The following ELAPOR2 variants were observed in gnomAD, a reference collection of about 807,000 sequenced individuals.
The protein encoded by ELAPOR2 is endosome/lysosome-associated apoptosis and autophagy regulator family member 2.
Under a neutral mutation model 120.7 loss-of-function variants are expected in ELAPOR2, and 89 were observed. That is an observed-to-expected ratio of 0.74 (90% confidence interval 0.62 to 0.88). The LOEUF (loss-of-function observed/expected upper bound fraction) is 0.88. ELAPOR2 is among the 40% of genes least tolerant of loss of function. ELAPOR2 has a pLI of 0.00. For missense variants in ELAPOR2, 1,134 were observed against 1,251.6 expected (o/e 0.91, Z 1.42); for synonymous variants, 444 against 444.9 (o/e 1.00, Z 0.03).
At chr7:86,882,173 T>C (rs930564183) in intron 21 of ELAPOR2, among the ~76,000 whole-genome samples, 1 of 152,210 alleles carries the variant, frequency 6.6e-6, no homozygotes, top group Non-Finnish European at 1.5e-5. Context: ...AACAATTTTT[T>C]AGAATAACCA....
At chr7:86,957,129 C>G (rs1171175277) in intron 2 of ELAPOR2, among the ~76,000 whole-genome samples, 1 of 152,174 alleles carries the variant, frequency 6.6e-6, no homozygotes, top group African/African-American at 2.4e-5. Context: ...CTGTTTTCAT[C>G]TCATCTCCCA....
chr7:86,885,012 C>T (rs1458185649), intron 21 of ELAPOR2, among the ~76,000 whole-genome samples: 1 of 152,164 alleles, frequency 6.6e-6, no homozygotes, highest in East Asian at 1.9e-4. Context: ...TATTTGGACT[C>T]TTATTGTCGC....
chr7:87,020,612 A>C (rs1057101806), intron 1 of ELAPOR2, among the ~76,000 whole-genome samples: 7 of 152,074 alleles, frequency 4.6e-5, no homozygotes, highest in African/African-American at 1.7e-4. Flanking sequence ...AGCTGCAGGG[A>C]GGAGAGAATG....
In ELAPOR2 at chr7:86,882,138, C is replaced by T. The variant is rs181470263; in HGVS notation, c.3031-1608G>A. 8.6e-4 allele frequency among the ~76,000 whole-genome samples: 131 copies of T among 152,286 alleles called. 3 individuals are homozygous for T. Among genetic ancestry groups the T allele is most frequent in the Non-Finnish European group, 2.6e-4 (18 of 68,024 alleles). On this transcript the variant is annotated intron_variant, in intron 21 of 21. Transcript: ENST00000450689. ...GCTGACTGGCTCTGTGAGAACTGGC[C>T]TGAGGTCTCATGTTTAACAGCCTTA...
chr7:87,031,553 A>C (rs1562976284), intron 1 of ELAPOR2, among the ~76,000 whole-genome samples: 1 of 152,324 alleles, frequency 6.6e-6, no homozygotes, highest in East Asian at 1.9e-4. Context: ...TAGCTCCAAA[A>C]ATCAAGATTT....
chr7:86,892,022 T>C, intron 20 of ELAPOR2, 133 bp from the exon 21 acceptor site: 1 of 577,952 alleles, frequency 1.7e-6, no homozygotes, highest in South Asian at 2.6e-5. Flanking sequence ...CAAATTTCCC[T>C]AGCCTATAGC....
At chr7:87,046,646 G>A (rs1022019488) in intron 1 of ELAPOR2, among the ~76,000 whole-genome samples, 1 of 152,140 alleles carries the variant, frequency 6.6e-6, no homozygotes, top group Non-Finnish European at 1.5e-5. Flanking sequence ...TCGTGATAGT[G>A]AGTGAATTCT....
chr7:86,980,920 G>T (rs985294305), intron 1 of ELAPOR2, among the ~76,000 whole-genome samples: 4 of 152,148 alleles, frequency 2.6e-5, no homozygotes, highest in African/African-American at 9.7e-5. Flanking sequence ...CTCACCATTT[G>T]CTCTTCAGAT....
intron 21 of ELAPOR2, among the ~76,000 whole-genome samples, chr7:86,889,347 T>C (rs1486750017): frequency 6.6e-6 from 1 of 151,916 alleles, no homozygotes; most frequent in African/African-American, 2.4e-5. Flanking sequence ...TCACCAAGTG[T>C]GTGACAAAAA....
intron 2 of ELAPOR2, among the ~76,000 whole-genome samples, chr7:86,953,322 G>A (rs944470813): frequency 1.3e-5 from 2 of 152,112 alleles, no homozygotes; most frequent in African/African-American, 4.8e-5. Flanking sequence ...CTGGAAGTCA[G>A]GCTTAGAGAC....
intron 1 of ELAPOR2, among the ~76,000 whole-genome samples, chr7:87,012,599 A>G (rs1793727449): frequency 6.6e-6 from 1 of 152,142 alleles, no homozygotes; most frequent in African/African-American, 2.4e-5. Flanking sequence ...AAGTATCTGT[A>G]CTTTCTGTTC....
At chr7:86,953,256 G>C (rs1791341329) in intron 2 of ELAPOR2, among the ~76,000 whole-genome samples, 2 of 152,170 alleles carry the variant, frequency 1.3e-5, no homozygotes, top group African/African-American at 4.8e-5. Flanking sequence ...AGAGGAGCTA[G>C]TAAGTCTAAA....
At chr7:87,033,124 A>C (rs963418797) in intron 1 of ELAPOR2, among the ~76,000 whole-genome samples, 1 of 152,148 alleles carries the variant, frequency 6.6e-6, no homozygotes, top group Non-Finnish European at 1.5e-5. Context: ...GTGTAGGCAG[A>C]GTGGGAGGTA....
At chr7:86,917,761 AG>A (rs1350529424) in intron 12 of ELAPOR2, among the ~76,000 whole-genome samples, 5 of 152,172 alleles carry the variant, frequency 3.3e-5, no homozygotes, top group African/African-American at 1.2e-4. Context: ...CATATCACGG[AG>A]AAAACTGTTA....
At chr7:86,940,533 T>C (rs1214827282) in intron 5 of ELAPOR2, among the ~76,000 whole-genome samples, 1 of 152,032 alleles carries the variant, frequency 6.6e-6, no homozygotes, top group Non-Finnish European at 1.5e-5. Flanking sequence ...AGTTTGTTTC[T>C]TTTTAAAAAT....
intron 1 of ELAPOR2, among the ~76,000 whole-genome samples, chr7:86,984,368 A>G (rs139917141): frequency 0.014 from 2,094 of 152,330 alleles, 52 homozygotes; most frequent in African/African-American, 0.048. Context: ...TCTACCCCAA[A>G]TCAACAGAAT....
intron 1 of ELAPOR2, among the ~76,000 whole-genome samples, chr7:86,966,980 A>AT (rs1178827509): frequency 1.3e-5 from 2 of 152,078 alleles, no homozygotes; most frequent in Non-Finnish European, 2.9e-5. Flanking sequence ...TCAAAGTCCT[A>AT]TTTTGTCATA....
At chr7:86,975,619 T>C (rs1461143283) in intron 1 of ELAPOR2, among the ~76,000 whole-genome samples, 1 of 152,190 alleles carries the variant, frequency 6.6e-6, no homozygotes, top group African/African-American at 2.4e-5. Context: ...CTCATTACAC[T>C]TTGCAGTTCT....
chr7:86,926,797 A>G lies in ELAPOR2; in HGVS notation c.1209T>C (p.Tyr403=). ...KDCPPCNPGF[Y]NNGSSSCHPC... The stretch of plus-strand genomic sequence containing the variant: ...GATGGCAAGAAGATGATCCATTGTT[A>G]TAAAATCCAGGGTTGCAAGGCGGAC... The change falls in exon 9 of 22, where the codon TAT becomes TAC. Residue 403 remains tyrosine (Y), a synonymous_variant. Coordinates refer to ENST00000450689, the MANE Select transcript of ELAPOR2 (RefSeq NM_001142749.3). 6.2e-7 allele frequency: 1 copy of G among 1,612,248 alleles called. No individual in the cohort carries two copies.
Sources: gnomAD v4.1 joint callset for allele counts (sites outside exome capture counted in the v4.1 genomes callset) on GRCh38, gnomAD v4.1.1 for gene constraint, MANE v1.5 for transcripts, NCBI Gene and HGNC (gene_info 2026-07-23, HGNC 2026-07-21) for gene names.